RALYL: variants seen among roughly 807,000 people sequenced by gnomAD.
RALYL encodes the protein RNA-binding Raly-like protein.
RALYL carries 29 observed loss-of-function variants against 35.1 expected under a neutral mutation model. That is an observed-to-expected ratio of 0.83 (90% CI 0.61 to 1.13). The LOEUF is 1.13. Among genes scored for constraint, RALYL ranks in the 50% most tolerant of loss-of-function variants. The pLI is 0.00. For synonymous variants in RALYL, 120 were observed against 127.6 expected (o/e 0.94, Z 0.40); for missense variants, 359 against 360.4 (o/e 1.00, Z 0.03).
At chr8:84,569,235 G>A (rs1030613689) in intron 2 of RALYL, among the ~76,000 whole-genome samples, 3 of 151,940 alleles carry the variant, frequency 2.0e-5, no homozygotes, top group Non-Finnish European at 4.4e-5. Context: ...TAAGGTGTAA[G>A]GAAGGGATCC....
intron 2 of RALYL, among the ~76,000 whole-genome samples, chr8:84,747,746 G>C (rs570933917): frequency 1.3e-5 from 2 of 151,718 alleles, no homozygotes; most frequent in South Asian, 4.1e-4. Context: ...CTAATTATTT[G>C]TTAATTTTTT....
chr8:84,914,340 C>T (rs897334471), intron 8 of RALYL, among the ~76,000 whole-genome samples: 1 of 151,928 alleles, frequency 6.6e-6, no homozygotes, highest in African/African-American at 2.4e-5. Context: ...GATTTTTAGA[C>T]ACTACATAAT....
intron 2 of RALYL, among the ~76,000 whole-genome samples, chr8:84,713,915 A>G (rs989148077): frequency 6.6e-6 from 1 of 151,304 alleles, no homozygotes; most frequent in Non-Finnish European, 1.5e-5. Flanking sequence ...AGACATATAC[A>G]TGTTTCATAT....
Position 84,786,004 on chromosome 8 carries a change from C to T in RALYL, c.332+11350C>T, listed in dbSNP as rs553658627. On this transcript the variant is annotated intron_variant, in intron 3 of 8. Transcript: ENST00000521268. ...CTCCCCACCTCACCGCCCATAGGCC[C>T]GAGTGTGTTTTGTTCCCCACCTGTA... Among the ~76,000 whole-genome samples, 6 of 152,076 alleles carry T rather than the reference C, an allele frequency of 3.9e-5. No individual in the cohort carries two copies. The South Asian group carries it at 8.3e-4, about 21-fold the overall frequency.
intron 2 of RALYL, among the ~76,000 whole-genome samples, chr8:84,754,519 T>C (rs958455191): frequency 6.6e-6 from 1 of 152,214 alleles, no homozygotes; most frequent in African/African-American, 2.4e-5. Context: ...AGATTAAGTA[T>C]AAATGCAATG....
intron 2 of RALYL, among the ~76,000 whole-genome samples, chr8:84,727,728 T>C (rs1845268924): frequency 6.6e-6 from 1 of 150,702 alleles, no homozygotes; most frequent in Non-Finnish European, 1.5e-5. Context: ...CCGTGTTTGG[T>C]TTTTTTGTTC....
chr8:84,895,007 T>C (rs1003480133), intron 8 of RALYL, among the ~76,000 whole-genome samples: 15 of 152,198 alleles, frequency 9.9e-5, no homozygotes, highest in Non-Finnish European at 2.1e-4. Flanking sequence ...CAATAATATG[T>C]GTCTGGCTCA....
chr8:84,799,993 G>T (rs962445020), intron 3 of RALYL, among the ~76,000 whole-genome samples: 1 of 152,038 alleles, frequency 6.6e-6, no homozygotes, highest in African/African-American at 2.4e-5. Context: ...AAGGGAGGAA[G>T]ACAGTAAATT....
chr8:84,742,461 T>TA (rs1047867315), intron 2 of RALYL, among the ~76,000 whole-genome samples: 4 of 151,740 alleles, frequency 2.6e-5, no homozygotes, highest in African/African-American at 9.7e-5. Flanking sequence ...AAAATTGTTT[T>TA]AAAAAAAAAT....
intron 8 of RALYL, among the ~76,000 whole-genome samples, chr8:84,891,117 T>A (rs1412156500): frequency 1.3e-5 from 2 of 152,016 alleles, no homozygotes; most frequent in Non-Finnish European, 2.9e-5. Flanking sequence ...AGAAGTGGGA[T>A]CAGTGCGAAA....
At chr8:84,443,536 G>A (rs138833121) in intron 1 of RALYL, among the ~76,000 whole-genome samples, 4 of 152,240 alleles carry the variant, frequency 2.6e-5, no homozygotes, top group South Asian at 2.1e-4. Context: ...TGGAATGTAT[G>A]AGCTTAATGC....
chr8:84,668,540 GC>G (rs373789879), intron 2 of RALYL, among the ~76,000 whole-genome samples: 132 of 152,264 alleles, frequency 8.7e-4, no homozygotes, highest in African/African-American at 2.9e-3. Context: ...CCAACATTAT[GC>G]TGAGAAGACA....
chr8:84,657,060 T>C (rs921810653), intron 2 of RALYL, among the ~76,000 whole-genome samples: 10 of 152,300 alleles, frequency 6.6e-5, no homozygotes, highest in African/African-American at 2.4e-4. Context: ...TTTCAGCTGC[T>C]GACACTGTAA....
At chr8:84,307,761 A>T (rs1244783450) in intron 1 of RALYL, among the ~76,000 whole-genome samples, 3 of 152,202 alleles carry the variant, frequency 2.0e-5, no homozygotes, top group Non-Finnish European at 4.4e-5. Flanking sequence ...CTTTTCAAAG[A>T]TGCAGGGCAC....
intron 2 of RALYL, among the ~76,000 whole-genome samples, chr8:84,556,365 T>C (rs984313419): frequency 3.9e-5 from 6 of 152,170 alleles, no homozygotes; most frequent in Non-Finnish European, 4.4e-5. Flanking sequence ...ATTAATTTAT[T>C]TTCAGATCAG....
chr8:84,507,150 A>G (rs1228273209), intron 1 of RALYL, among the ~76,000 whole-genome samples: 1 of 152,100 alleles, frequency 6.6e-6, no homozygotes, highest in Admixed American at 6.6e-5. Flanking sequence ...TTTCTTAAAC[A>G]ACAACAAATT....
In RALYL at chr8:84,821,581, C is replaced by A. The variant is rs368478674; in HGVS notation, c.365+16779C>A. On this transcript the variant is annotated intron_variant, in intron 4 of 8. Coordinates refer to ENST00000521268, the MANE Select transcript of RALYL (RefSeq NM_173848.7). ...AAAAGTGCTAGCAACAGTTTTAAAGCCTCACTTCCCAATCACATTCTGTTC... is the reference window on the plus strand; with the variant it reads ...AAAAGTGCTAGCAACAGTTTTAAAGACTCACTTCCCAATCACATTCTGTTC... Among the ~76,000 whole-genome samples, 10 of 152,252 alleles carry A rather than the reference C, an allele frequency of 6.6e-5. No individual in the cohort carries two copies. In the East Asian group the frequency reaches 1.3e-3, roughly 21 times the overall value.
intron 1 of RALYL, among the ~76,000 whole-genome samples, chr8:84,476,538 C>T (rs2053444739): frequency 6.6e-6 from 1 of 152,172 alleles, no homozygotes; most frequent in African/African-American, 2.4e-5. Context: ...TTTTAATAAT[C>T]TCTTAAAATG....
chr8:84,716,836 A>T (rs1843009793), intron 2 of RALYL, among the ~76,000 whole-genome samples: 1 of 152,228 alleles, frequency 6.6e-6, no homozygotes. Flanking sequence ...ATCATTAAAA[A>T]TTCTACTTTA....
Sources: allele counts gnomAD v4.1 joint callset (sites outside exome capture counted in the v4.1 genomes callset), GRCh38; gene constraint gnomAD v4.1.1; transcripts MANE v1.5; gene names NCBI Gene and HGNC (gene_info 2026-07-23, HGNC 2026-07-21).